JAKMIP2: variants seen among roughly 807,000 people sequenced by gnomAD.
JAKMIP2 encodes the protein janus kinase and microtubule-interacting protein 2.
Under a neutral mutation model 115.0 loss-of-function variants are expected in JAKMIP2, and 25 were observed. That is an observed-to-expected ratio of 0.22 (90% CI 0.16 to 0.30). The LOEUF is 0.30. JAKMIP2 is among the 10% of genes least tolerant of loss of function. JAKMIP2 has a pLI of 1.00. For missense variants in JAKMIP2, 642 were observed against 957.6 expected, an observed-to-expected ratio of 0.67 and a Z score of 4.35; for synonymous variants, 334 against 343.6, an observed-to-expected ratio of 0.97 and a Z score of 0.31.
At chr5:147,620,027 C>G (rs1218222552) in intron 18 of JAKMIP2, among the ~76,000 whole-genome samples, 1 of 152,146 alleles carries the variant, frequency 6.6e-6, no homozygotes, top group South Asian at 2.1e-4. Flanking sequence ...TAAAATTTCT[C>G]TTTAATCTAC....
At chr5:147,750,316 A>G (rs988461725) in intron 1 of JAKMIP2, among the ~76,000 whole-genome samples, 1 of 152,114 alleles carries the variant, frequency 6.6e-6, no homozygotes, top group African/African-American at 2.4e-5. Context: ...AACCCAAGGG[A>G]CACAATCCTC....
rs186300906 is a variant in JAKMIP2 at position 147,757,761 on chromosome 5, A to T, written c.-149+24695T>A. Among the ~76,000 whole-genome samples the T allele has an allele frequency of 8.1e-3, 1,227 of 152,256 alleles. 11 individuals carry two copies. The highest frequency in any genetic ancestry group is 0.027 in the African/African-American group (1,132 of 41,568). ...TAATTGATGTTGGTAGCAATTTTTTAAAAATCCTGAAATGATAATGCAGTT... is the reference window on the plus strand; with the variant it reads ...TAATTGATGTTGGTAGCAATTTTTTTAAAATCCTGAAATGATAATGCAGTT... On this transcript the variant is annotated intron_variant, in intron 1 of 21. Transcript: ENST00000616793.
intron 1 of JAKMIP2, among the ~76,000 whole-genome samples, chr5:147,718,503 T>C (rs1753111988): frequency 6.6e-6 from 1 of 152,092 alleles, no homozygotes; most frequent in African/African-American, 2.4e-5. Context: ...GGTAAGCTAT[T>C]GATTATTGCC....
chr5:147,651,846 G>T (rs6896560), intron 3 of JAKMIP2, among the ~76,000 whole-genome samples: 38,394 of 151,986 alleles, frequency 0.25, 6,119 homozygotes, highest in East Asian at 0.46. Context: ...TTTGGTTTCC[G>T]TCTCCTTGTA....
At chr5:147,703,424 T>C (rs1752449369) in intron 1 of JAKMIP2, among the ~76,000 whole-genome samples, 1 of 152,100 alleles carries the variant, frequency 6.6e-6, no homozygotes, top group South Asian at 2.1e-4. Context: ...GGAGTGCAGC[T>C]TGCTGGACTG....
chr5:147,639,360 A>G (rs984854842), intron 10 of JAKMIP2, among the ~76,000 whole-genome samples: 14 of 152,158 alleles, frequency 9.2e-5, no homozygotes, highest in African/African-American at 3.1e-4. Flanking sequence ...ACAAAATCCA[A>G]TATTGTCTAG....
chr5:147,641,326 A>G (rs1183716528), intron 8 of JAKMIP2, among the ~76,000 whole-genome samples: 1 of 152,214 alleles, frequency 6.6e-6, no homozygotes, highest in Non-Finnish European at 1.5e-5. Flanking sequence ...GATTGGGAGC[A>G]TTGCTATCAA....
At chr5:147,707,640 A>G (rs1752630671) in intron 1 of JAKMIP2, among the ~76,000 whole-genome samples, 2 of 152,152 alleles carry the variant, frequency 1.3e-5, no homozygotes, top group Admixed American at 1.3e-4. Flanking sequence ...CCCTGGTAAC[A>G]TATCCTGCTC....
At chr5:147,597,638 T>C (rs1459819554) in intron 21 of JAKMIP2, among the ~76,000 whole-genome samples, 1 of 152,204 alleles carries the variant, frequency 6.6e-6, no homozygotes, top group Non-Finnish European at 1.5e-5. Flanking sequence ...TTTCAATGGG[T>C]CATTGCAACC....
intron 1 of JAKMIP2, among the ~76,000 whole-genome samples, chr5:147,740,785 G>A (rs1205276987): frequency 6.6e-6 from 1 of 152,172 alleles, no homozygotes; most frequent in African/African-American, 2.4e-5. Context: ...AAATGATAGC[G>A]TGGGTGGGGG....
chr5:147,627,157 G>A (rs1217261290), intron 16 of JAKMIP2, among the ~76,000 whole-genome samples: 1 of 152,052 alleles, frequency 6.6e-6, no homozygotes, highest in Non-Finnish European at 1.5e-5. Context: ...AGTTAGATGG[G>A]GCCATATGAC....
At chr5:147,623,788 C>G (rs1756965613) in intron 16 of JAKMIP2, 99 bp from the exon 17 acceptor site, 1 of 694,328 alleles carries the variant, frequency 1.4e-6, no homozygotes, top group African/African-American at 1.8e-5. Flanking sequence ...CCTTATATCT[C>G]AGGAAGAAGA....
intron 2 of JAKMIP2, among the ~76,000 whole-genome samples, chr5:147,670,828 G>T (rs542314551): frequency 6.6e-6 from 1 of 152,284 alleles, no homozygotes; most frequent in African/African-American, 2.4e-5. Flanking sequence ...TACATATTGA[G>T]ATTTTAAGTT....
intron 1 of JAKMIP2, among the ~76,000 whole-genome samples, chr5:147,733,440 T>C (rs1753804855): frequency 6.6e-6 from 1 of 152,202 alleles, no homozygotes; most frequent in African/African-American, 2.4e-5. Flanking sequence ...CACTCACCCT[T>C]TGGAGAAAGC....
intron 1 of JAKMIP2, among the ~76,000 whole-genome samples, chr5:147,684,999 C>A (rs1268493291): frequency 6.6e-6 from 1 of 152,174 alleles, no homozygotes; most frequent in Non-Finnish European, 1.5e-5. Context: ...GTGCTGACCA[C>A]TGTACAATGC....
chr5:147,635,918 C>CACA (rs1561505654), intron 12 of JAKMIP2, among the ~76,000 whole-genome samples: 5 of 150,144 alleles, frequency 3.3e-5, no homozygotes, highest in African/African-American at 7.2e-5. Flanking sequence ...TGTGTGTGTG[C>CACA]GTGTATGTAT....
chr5:147,675,902 T>C (rs900179767), intron 1 of JAKMIP2, among the ~76,000 whole-genome samples: 10 of 152,126 alleles, frequency 6.6e-5, no homozygotes, highest in African/African-American at 2.4e-4. Context: ...TAATATTCTA[T>C]TGTAGGGATA....
At chr5:147,764,716 T>C (rs1038271482) in intron 1 of JAKMIP2, among the ~76,000 whole-genome samples, 3 of 151,218 alleles carry the variant, frequency 2.0e-5, no homozygotes, top group African/African-American at 2.4e-5. Context: ...TGAAACCCTG[T>C]CTCTACTAAA....
chr5:147,623,593 T>G, intron 17 of JAKMIP2, 28 bp downstream of exon 17: 1 of 1,495,176 alleles, frequency 6.7e-7, no homozygotes. Context: ...TTTTTCTTAA[T>G]TTTTACAATA....
Sources: gnomAD v4.1 joint callset for allele counts (sites outside exome capture counted in the v4.1 genomes callset) on GRCh38, gnomAD v4.1.1 for gene constraint, MANE v1.5 for transcripts, NCBI Gene and HGNC (gene_info 2026-07-23, HGNC 2026-07-21) for gene names.